The following TJP1 variants were observed in gnomAD, a reference collection of about 807,000 sequenced individuals.
TJP1 encodes the protein tight junction protein 1.
In TJP1, 43 loss-of-function variants were observed where a neutral mutation model predicts 194.2. That is an observed-to-expected ratio of 0.22 (90% CI 0.17 to 0.29). TJP1 has a LOEUF of 0.29. Ranked by LOEUF, TJP1 falls within the 10% of genes least tolerant of loss-of-function variation. The pLI, the probability that TJP1 is intolerant of heterozygous loss-of-function variation, is 1.00. For missense variants in TJP1, 1,971 were observed against 2,185.7 expected, an observed-to-expected ratio of 0.90 and a Z score of 1.96; for synonymous variants, 801 against 779.0, an observed-to-expected ratio of 1.03 and a Z score of -0.47.
intron 23 of TJP1, among the ~76,000 whole-genome samples, chr15:29,712,788 A>G (rs2042318824): frequency 6.6e-6 from 1 of 151,644 alleles, no homozygotes; most frequent in African/African-American, 2.4e-5. Context: ...GTTCTGAATA[A>G]GTGGGAGTGA....
intron 2 of TJP1, among the ~76,000 whole-genome samples, chr15:29,799,686 A>C (rs972657454): frequency 2.0e-5 from 3 of 152,292 alleles, no homozygotes; most frequent in Admixed American, 2.0e-4. Flanking sequence ...AAGTGCTGGG[A>C]TTACAGGCGT....
chr15:29,756,912 C>G (rs751843244), intron 8 of TJP1, among the ~76,000 whole-genome samples: 2 of 152,120 alleles, frequency 1.3e-5, no homozygotes, highest in Non-Finnish European at 2.9e-5. Flanking sequence ...TGGTTAAATA[C>G]AAGCAGATAA....
At chr15:29,883,642 C>G (rs1000746820) in intron 2 of TJP1, among the ~76,000 whole-genome samples, 26 of 151,786 alleles carry the variant, frequency 1.7e-4, no homozygotes, top group African/African-American at 5.8e-4. Context: ...ATGGAATGAC[C>G]AGATGACAAA....
chr15:29,819,019 T>A (rs1216298209), intron 1 of TJP1, among the ~76,000 whole-genome samples: 1 of 152,168 alleles, frequency 6.6e-6, no homozygotes, highest in Non-Finnish European at 1.5e-5. Flanking sequence ...GGTTTCACCA[T>A]GTTGGCCAGG....
At chr15:29,787,521 A>G (rs1423277803) in intron 2 of TJP1, among the ~76,000 whole-genome samples, 4 of 152,052 alleles carry the variant, frequency 2.6e-5, no homozygotes, top group Admixed American at 6.6e-5. Flanking sequence ...TCATCTCTCA[A>G]TCCCCTAGCC....
At chr15:29,920,446 G>A (rs770332714) in intron 2 of TJP1, among the ~76,000 whole-genome samples, 5 of 152,130 alleles carry the variant, frequency 3.3e-5, no homozygotes, top group African/African-American at 1.2e-4. Context: ...AGCAATTACC[G>A]TTTGGGAAAA....
intron 1 of TJP1, among the ~76,000 whole-genome samples, chr15:29,805,529 A>G (rs1595959862): frequency 6.6e-6 from 1 of 152,182 alleles, no homozygotes; most frequent in African/African-American, 2.4e-5. Context: ...CAATCCATGT[A>G]TCATTCATTC....
At chr15:29,783,157 C>T (rs954548211) in intron 2 of TJP1, among the ~76,000 whole-genome samples, 4 of 151,978 alleles carry the variant, frequency 2.6e-5, no homozygotes, top group African/African-American at 9.7e-5. Flanking sequence ...GCCTGTAATC[C>T]CAGCTATTCA....
chr15:29,765,845 T>C (rs1417916785), intron 5 of TJP1, among the ~76,000 whole-genome samples: 4 of 152,162 alleles, frequency 2.6e-5, no homozygotes, highest in African/African-American at 7.2e-5. Flanking sequence ...GGAGCTGAGA[T>C]TGTGCCACTG....
Position 29,719,057 on chromosome 15 carries a change from G to A in TJP1, c.3085C>T (p.His1029Tyr), listed in dbSNP as rs370440220. ...AGATTAGGCTCTTTGTCTGGCCTGT[G>A]CCCTGGGTGACTAACGGCTGGCTGT... Reference protein sequence around the residue: ...LKQPAVSHPGHRPDKEPNLTY... With the variant: ...LKQPAVSHPGYRPDKEPNLTY... The change falls in exon 21 of 28, where the codon CAC becomes TAC. Residue 1029 changes from histidine to tyrosine, a missense_variant. Physicochemically the swap from His to Tyr is moderately conservative, Grantham distance 83. Coordinates refer to ENST00000614355, the MANE Select transcript of TJP1 (RefSeq NM_001330239.4). 22 of 1,614,174 alleles carry A rather than the reference G, an allele frequency of 1.4e-5. No individual in the cohort carries two copies. The East Asian group carries it at 2.0e-4, about 15-fold the overall frequency.
chr15:29,739,463 A>G (rs951909450), intron 10 of TJP1, among the ~76,000 whole-genome samples: 2 of 151,982 alleles, frequency 1.3e-5, no homozygotes, highest in African/African-American at 4.8e-5. Flanking sequence ...TTCTTTTTTG[A>G]GATGGAGTTT....
chr15:29,841,168 C>T (rs1306603218), intron 2 of TJP1, among the ~76,000 whole-genome samples: 3 of 152,160 alleles, frequency 2.0e-5, no homozygotes, highest in Admixed American at 1.3e-4. Flanking sequence ...TGACATTCTC[C>T]CCACCAGCCT....
chr15:29,775,725 A>C lies in TJP1; in HGVS notation c.85-2368T>G, dbSNP rs1522798. 3.6e-3 allele frequency among the ~76,000 whole-genome samples: 554 copies of C among 152,316 alleles called. 5 individuals are homozygous for C. The highest frequency in any genetic ancestry group is 0.012 in the African/African-American group (517 of 41,574). On this transcript the variant is annotated intron_variant, in intron 2 of 27. Transcript: ENST00000614355. ...AAAAATAAACAATTAGAGACAAATG[A>C]CTATTAGAACAGCATTAGAAAACAT...
At chr15:29,758,964 T>C (rs1168628847) in intron 8 of TJP1, 2 of 152,212 alleles carry the variant, frequency 1.3e-5, no homozygotes, top group Non-Finnish European at 2.9e-5. Flanking sequence ...CTACAGTAGA[T>C]ACGAATTAGC....
At chr15:29,727,098 C>T (rs1566906879) in intron 16 of TJP1, 107 bp from the exon 17 acceptor site, 1 of 981,080 alleles carries the variant, frequency 1.0e-6, no homozygotes, top group South Asian at 1.6e-5. Flanking sequence ...AATCCTAGCA[C>T]TTTGGGAGGT....
At chr15:29,704,795 A>G (rs1304739250) in intron 26 of TJP1, among the ~76,000 whole-genome samples, 4 of 152,194 alleles carry the variant, frequency 2.6e-5, no homozygotes, top group African/African-American at 9.7e-5. Context: ...TTTGCTCCAT[A>G]GGTGGTTAAA....
chr15:29,766,649 C>T, intron 4 of TJP1, 107 bp from the exon 5 acceptor site: 1 of 1,129,204 alleles, frequency 8.9e-7, no homozygotes, highest in Non-Finnish European at 1.2e-6. Flanking sequence ...TAACTATGAA[C>T]CAGCAAGAAA....
Position 29,726,420 on chromosome 15 carries a change from G to A in TJP1, c.2371C>T (p.Gln791Ter). The change falls in exon 18 of 28, where the codon CAA becomes TAA. Residue 791 changes from glutamine (Q) to a stop codon, truncating the protein, a stop_gained. Transcript: ENST00000614355. LOFTEE classifies it high-confidence loss of function. Reference sequence around the variant, plus strand: ...CATACCAGCTGGTTTTGCTGTTGTTGAATTGCTTCTTTCAGCGCACCATAC... The same window carrying A: ...CATACCAGCTGGTTTTGCTGTTGTTAAATTGCTTCTTTCAGCGCACCATAC... ...GWYGALKEAI[Q>*]QQQNQLVWVS... 6.2e-7 allele frequency: 1 copy of A among 1,614,032 alleles called. No homozygotes were observed. Among genetic ancestry groups the A allele is most frequent in the African/African-American group, 1.3e-5 (1 of 75,030 alleles).
chr15:29,730,134 T>G (rs895756289), intron 15 of TJP1, among the ~76,000 whole-genome samples: 1 of 152,148 alleles, frequency 6.6e-6, no homozygotes, highest in East Asian at 1.9e-4. Flanking sequence ...TATAAACTTT[T>G]CTAAACAGTA....
Sources: allele counts gnomAD v4.1 joint callset (sites outside exome capture counted in the v4.1 genomes callset), GRCh38; gene constraint gnomAD v4.1.1; transcripts MANE v1.5; gene names NCBI Gene and HGNC (gene_info 2026-07-23, HGNC 2026-07-21).